CCDC171: variants seen among roughly 807,000 people sequenced by gnomAD.
CCDC171 encodes coiled-coil domain-containing protein 171.
CCDC171 carries 177 observed loss-of-function variants against 168.2 expected under a neutral mutation model. The observed-to-expected ratio is 1.05, with a 90% CI of 0.93 to 1.19. The LOEUF (loss-of-function observed/expected upper bound fraction) is 1.19, where lower values mean the gene tolerates loss of function less well. CCDC171 is among the 50% of genes most tolerant of loss of function. CCDC171 has a pLI of 0.00. For missense variants in CCDC171, 1,991 were observed against 1,539.0 expected, an observed-to-expected ratio of 1.29 and a Z score of -4.91; for synonymous variants, 687 against 540.8, an observed-to-expected ratio of 1.27 and a Z score of -3.75.
intron 21 of CCDC171, among the ~76,000 whole-genome samples, chr9:15,820,971 C>G (rs2059748251): frequency 8.6e-6 from 1 of 116,908 alleles, no homozygotes; most frequent in Admixed American, 8.1e-5. Flanking sequence ...AGCAGCACAT[C>G]AAAAAGCTTA....
upstream of CCDC171, among the ~76,000 whole-genome samples, chr9:16,039,035 T>C (rs1190506199): frequency 6.6e-6 from 1 of 152,208 alleles, no homozygotes; most frequent in Non-Finnish European, 1.5e-5. Context: ...ATTATAATCA[T>C]AGTAGATGTT....
At chr9:16,050,363 A>G (rs1323587579) in intron 1 of CCDC171, among the ~76,000 whole-genome samples, 2 of 152,262 alleles carry the variant, frequency 1.3e-5, no homozygotes, top group Non-Finnish European at 2.9e-5. Flanking sequence ...GTGAATGGAC[A>G]GCATATACTT....
intron 18 of CCDC171, among the ~76,000 whole-genome samples, chr9:15,777,110 T>C (rs2057368729): frequency 6.6e-6 from 1 of 152,220 alleles, no homozygotes; most frequent in African/African-American, 2.4e-5. Flanking sequence ...CAGGCCATGT[T>C]GGATATGCTG....
At chr9:15,657,063 G>A in intron 7 of CCDC171, 64 bp from the exon 8 acceptor site, 1 of 894,186 alleles carries the variant, frequency 1.1e-6, no homozygotes, top group Non-Finnish European at 1.7e-6. Flanking sequence ...ATGCTGGACT[G>A]TAGTGATCCA....
intron 11 of CCDC171, among the ~76,000 whole-genome samples, chr9:15,716,884 G>C (rs1421996956): frequency 6.6e-6 from 1 of 152,146 alleles, no homozygotes; most frequent in Non-Finnish European, 1.5e-5. Context: ...TCCAACACGT[G>C]AACTTTGGAG....
chr9:15,693,663 A>C (rs1395873195), intron 10 of CCDC171, among the ~76,000 whole-genome samples: 1 of 152,242 alleles, frequency 6.6e-6, no homozygotes, highest in Admixed American at 6.5e-5. Flanking sequence ...TTGAGCTGAC[A>C]TGTAAACAAA....
intron 7 of CCDC171, among the ~76,000 whole-genome samples, chr9:15,628,056 G>T (rs1282717658): frequency 6.6e-6 from 1 of 152,098 alleles, no homozygotes; most frequent in African/African-American, 2.4e-5. Context: ...AGCCAAGATG[G>T]CCGAATAGGA....
chr9:15,801,101 T>C (rs2058800719), intron 21 of CCDC171, among the ~76,000 whole-genome samples: 1 of 152,092 alleles, frequency 6.6e-6, no homozygotes, highest in Non-Finnish European at 1.5e-5. Flanking sequence ...CTGGGTCTTT[T>C]GTGGTTCCAT....
At chr9:16,034,792 T>G (rs538086994) in intron 6 of CCDC171, among the ~76,000 whole-genome samples, 1 of 152,320 alleles carries the variant, frequency 6.6e-6, no homozygotes, top group Non-Finnish European at 1.5e-5. Context: ...ACAATCATGT[T>G]TTTTGTGCTG....
intron 3 of CCDC171, among the ~76,000 whole-genome samples, chr9:16,015,303 C>T (rs1034663090): frequency 9.2e-5 from 14 of 152,278 alleles, no homozygotes; most frequent in African/African-American, 3.4e-4. Flanking sequence ...CTGCAACTTC[C>T]TCACCTTCTC....
chr9:15,821,344 A>T (rs1199935725), intron 21 of CCDC171, among the ~76,000 whole-genome samples: 1 of 117,100 alleles, frequency 8.5e-6, no homozygotes, highest in African/African-American at 3.2e-5. Context: ...CAGGGCAATC[A>T]GGCAGGAGAA....
At chr9:16,054,314 A>G (rs1032264600) in intron 1 of CCDC171, among the ~76,000 whole-genome samples, 3 of 152,222 alleles carry the variant, frequency 2.0e-5, no homozygotes, top group Non-Finnish European at 4.4e-5. Flanking sequence ...ATTGTGACAG[A>G]GGCTGTCATT....
chr9:15,994,069 C>T (rs55884042), intron 3 of CCDC171, among the ~76,000 whole-genome samples: 2 of 152,054 alleles, frequency 1.3e-5, no homozygotes, highest in Non-Finnish European at 2.9e-5. Context: ...ACCATTTGAC[C>T]CAGCCATCCC....
intron 18 of CCDC171, among the ~76,000 whole-genome samples, chr9:15,754,715 A>G (rs1230541423): frequency 1.3e-5 from 2 of 152,122 alleles, no homozygotes; most frequent in Admixed American, 1.3e-4. Context: ...GTGTGCATCA[A>G]TTTGTTTATA....
the CCDC171 span, among the ~76,000 whole-genome samples, chr9:16,085,119 A>G: frequency 6.6e-6 from 1 of 152,216 alleles, no homozygotes; most frequent in Non-Finnish European, 1.5e-5. Flanking sequence ...GCAGCATGTC[A>G]GCCTGTGCCA....
chr9:15,794,324 G>C (rs1013361550), intron 21 of CCDC171, among the ~76,000 whole-genome samples: 11 of 152,032 alleles, frequency 7.2e-5, no homozygotes, highest in Non-Finnish European at 7.4e-5. Flanking sequence ...AATTAGCCAG[G>C]CATGTTGGTG....
At chr9:15,834,242 A>C (rs1156482216) in intron 21 of CCDC171, among the ~76,000 whole-genome samples, 2 of 152,194 alleles carry the variant, frequency 1.3e-5, no homozygotes, top group Non-Finnish European at 2.9e-5. Flanking sequence ...TTAGAATATT[A>C]CATTTGTAGT....
intron 6 of CCDC171, among the ~76,000 whole-genome samples, chr9:15,616,920 G>C (rs751959400): frequency 2.0e-5 from 3 of 152,054 alleles, no homozygotes; most frequent in Admixed American, 6.6e-5. Context: ...TTAATTAATT[G>C]GCTCATCATT....
intron 1 of CCDC171, among the ~76,000 whole-genome samples, chr9:15,559,164 A>G (rs1167576755): frequency 2.6e-5 from 4 of 152,110 alleles, no homozygotes; most frequent in Non-Finnish European, 2.9e-5. Flanking sequence ...TATGTGGTCA[A>G]TTTTGGAATA....
Sources: allele counts gnomAD v4.1 joint callset (sites outside exome capture counted in the v4.1 genomes callset), GRCh38; gene constraint gnomAD v4.1.1; transcripts MANE v1.5; gene names NCBI Gene and HGNC (gene_info 2026-07-23, HGNC 2026-07-21).